COL5A3: variants seen among roughly 807,000 people sequenced by gnomAD.
The protein encoded by COL5A3 is collagen type V alpha 3 chain, also known as collagen alpha-3(V) chain.
Under a neutral mutation model 250.0 loss-of-function variants are expected in COL5A3, and 172 were observed. The ratio of observed to expected loss-of-function variants is 0.69; its 90% CI spans 0.61 to 0.78. The LOEUF (loss-of-function observed/expected upper bound fraction) is 0.78, where lower values mean the gene tolerates loss of function less well. Ranked by LOEUF, COL5A3 falls within the 30% of genes least tolerant of loss-of-function variation. COL5A3 has a pLI of 0.00. For synonymous variants in COL5A3, 937 were observed against 900.4 expected, an observed-to-expected ratio of 1.04 and a Z score of -0.73; for missense variants, 2,340 against 2,334.4, an observed-to-expected ratio of 1.00 and a Z score of -0.05.
intron 35 of COL5A3, among the ~76,000 whole-genome samples, 173 bp from the exon 36 acceptor site, chr19:9,980,220 T>C (rs1003241185): frequency 2.6e-5 from 4 of 152,206 alleles, no homozygotes; most frequent in Non-Finnish European, 4.4e-5. Context: ...GCCCTTTGGG[T>C]TGGAGACTGA....
In COL5A3 at chr19:9,996,628, A is replaced by C; in HGVS notation, c.1325T>G (p.Val442Gly). The change falls in exon 12 of 67, where the codon GTG (valine) becomes GGG (glycine). Residue 442 changes from valine to glycine, a missense_variant. Val to Gly is a moderately radical substitution (Grantham distance 109). Coordinates refer to ENST00000264828, the MANE Select transcript of COL5A3 (RefSeq NM_015719.4). ...IDGIRGPPGT[V>G]IMMPFQFAGG... Reference sequence around the variant, plus strand: ...TCTCCTTCTTACCGGCATCATGATCACAGTGCCCGGTGGGCCTCGGATCCC... The same window carrying C: ...TCTCCTTCTTACCGGCATCATGATCCCAGTGCCCGGTGGGCCTCGGATCCC... 1.2e-6 allele frequency: 2 copies of C among 1,613,724 alleles called. No individual in the cohort carries two copies. The highest frequency in any genetic ancestry group is 1.7e-6 in the Non-Finnish European group (2 of 1,179,882).
chr19:9,965,678 C>G (rs1363196530), intron 64 of COL5A3, among the ~76,000 whole-genome samples: 2 of 145,238 alleles, frequency 1.4e-5, no homozygotes, highest in East Asian at 2.1e-4. Flanking sequence ...GTCTCGAACT[C>G]CTGACCTCAG....
chr19:9,986,394 C>T lies in COL5A3; in HGVS notation c.2273G>A (p.Gly758Glu). 6.2e-7 allele frequency: 1 copy of T among 1,611,856 alleles called. No individual in the cohort carries two copies. Among genetic ancestry groups the T allele is most frequent in the African/African-American group, 1.3e-5 (1 of 75,008 alleles). ...QGKPGAPGPR[G>E]EDGPEGPKGQ... is the part of the protein sequence containing the mutation. ...CTTCGGCCCCTCAGGACCATCCTCT[C>T]CCCGGGGACCTGGAGCTCCGGGTTT... The change falls in exon 30 of 67, where the codon GGA becomes GAA. Residue 758 changes from glycine to glutamate, a missense_variant. By Grantham distance (98) the Gly-to-Glu change is moderately conservative. Coordinates refer to ENST00000264828, the MANE Select transcript of COL5A3 (RefSeq NM_015719.4).
intron 65 of COL5A3, among the ~76,000 whole-genome samples, chr19:9,962,532 A>G (rs1170495350): frequency 6.6e-6 from 1 of 152,194 alleles, no homozygotes; most frequent in Non-Finnish European, 1.5e-5. Context: ...TTTAGGCTTC[A>G]GATGAGCTGT....
chr19:10,000,018 A>T (rs1025772833), intron 8 of COL5A3, among the ~76,000 whole-genome samples: 4 of 151,946 alleles, frequency 2.6e-5, no homozygotes, highest in Non-Finnish European at 5.9e-5. Flanking sequence ...TCAACCTACC[A>T]AATTGCTGAG....
rs760476540 is a variant in COL5A3, at chr19:9,989,484, T to C, written c.2031A>G (p.Gly677=). The part of the protein sequence containing the change: ...PGNPGIPGLP[G]SDGPLGHPGH... ...TGGTTCTCACCAGAGGGCCATCGGA[T>C]CCTGGGAGGCCTGGAATTCCTGGGT... Residue 677 remains glycine, a synonymous_variant, in exon 25 of 67, where the codon GGA becomes GGG. Transcript: ENST00000264828. The C allele has an allele frequency of 6.2e-7, 1 of 1,613,356 alleles. No homozygotes were observed. Among genetic ancestry groups the C allele is most frequent in the South Asian group, 1.1e-5 (1 of 90,944 alleles).
chr19:9,974,784 G>T (rs187121572), intron 45 of COL5A3, among the ~76,000 whole-genome samples: 2 of 152,072 alleles, frequency 1.3e-5, no homozygotes, highest in Admixed American at 1.3e-4. Flanking sequence ...GGATAGGGCC[G>T]TATGTTCCTA....
At chr19:9,982,927 C>G (rs777167303) in intron 31 of COL5A3, among the ~76,000 whole-genome samples, 78 of 152,146 alleles carry the variant, frequency 5.1e-4, no homozygotes, top group Non-Finnish European at 7.8e-4. Context: ...GCAATCATAG[C>G]TCACTGCAGC....
Position 10,005,944 on chromosome 19 carries a change from G to A in COL5A3, c.289C>T (p.Arg97Trp), listed in dbSNP as rs370928028. 79 of 1,613,940 alleles carry A rather than the reference G, an allele frequency of 4.9e-5. No individual in the cohort carries two copies. The East Asian group carries it at 5.3e-4, about 11-fold the overall frequency. Residue 97 changes from arginine to tryptophan, a missense_variant, in exon 3 of 67, where the codon CGG (arginine) becomes TGG (tryptophan). Physicochemically the swap from Arg to Trp is moderately radical, Grantham distance 101 (BLOSUM62 -3). This residue lies in a region of COL5A3 where 1,152 missense variants were observed against 1,146.3 expected (regional missense o/e 1.00). Transcript: ENST00000264828. ...PENFSLLITL[R>W]GQPANQSVLL... The stretch of plus-strand genomic sequence containing the variant: ...ACAGACTGATTGGCTGGCTGTCCCC[G>A]CAAGGTGATCAGCAAGGAGAAGTTC...
In COL5A3 at chr19:9,962,808, C is replaced by T. The variant is rs111952540; in HGVS notation, c.4851+11G>A. ...TTCATGTCACTCCCCATCTCGGCCT[C>T]GGTGACTCACCTTCTTCCCTCGACG... On this transcript the variant is annotated intron_variant, in intron 65 of 66. Coordinates refer to ENST00000264828, the MANE Select transcript of COL5A3 (RefSeq NM_015719.4). 48 of 1,605,950 alleles carry T rather than the reference C, an allele frequency of 3.0e-5. 1 individual carries two copies. The highest frequency in any genetic ancestry group is 1.6e-4 in the African/African-American group (12 of 74,908).
Position 9,978,903 on chromosome 19 carries a change from G to A in COL5A3, c.2952C>T (p.Gly984=). The change falls in exon 40 of 67, where the codon GGC becomes GGT. Residue 984 remains glycine, a synonymous_variant. Coordinates refer to ENST00000264828, the MANE Select transcript of COL5A3 (RefSeq NM_015719.4). ...GLRGFPGPKG[G]PGDPGPTGLK... ...CAAAGATACTCACCGGGTCCCCAGG[G>A]CCCCCTTTGGGGCCGGGAAAGCCCC... The A allele has an allele frequency of 1.4e-6, 2 of 1,479,468 alleles. No homozygotes were observed. The highest frequency in any genetic ancestry group is 1.8e-6 in the Non-Finnish European group (2 of 1,116,194). 91.6% of individuals were successfully genotyped at this position (1,479,468 alleles called of 1,614,324 possible).
intron 56 of COL5A3, 65 bp downstream of exon 56, chr19:9,969,510 C>G (rs2086798626): frequency 6.3e-7 from 1 of 1,596,172 alleles, no homozygotes; most frequent in South Asian, 1.1e-5. Context: ...GATGGGATCA[C>G]AAGCTGGGAG....
chr19:10,001,842 T>C lies in COL5A3; in HGVS notation c.889A>G (p.Asn297Asp), dbSNP rs770603296. ...DIPKTETPAPNLPPTPTPLVV... is the reference protein window; with the variant it reads ...DIPKTETPAPDLPPTPTPLVV... ...AAAGGCGTGGGGGTCGGAGGCAGATTTGGAGCTGGAGTCTCTGTCTTGGGG... is the reference window on the plus strand; with the variant it reads ...AAAGGCGTGGGGGTCGGAGGCAGATCTGGAGCTGGAGTCTCTGTCTTGGGG... The change falls in exon 7 of 67, where the codon AAT becomes GAT. Residue 297 changes from asparagine to aspartate, a missense_variant. Around this residue, in one of 3 missense-constraint regions of COL5A3, gnomAD observed 1,152 missense variants for 1,146.3 expected, o/e 1.00. Coordinates refer to ENST00000264828, the MANE Select transcript of COL5A3 (RefSeq NM_015719.4). 4.3e-6 allele frequency: 7 copies of C among 1,613,882 alleles called. No homozygotes were observed. Among genetic ancestry groups the C allele is most frequent in the Non-Finnish European group, 5.9e-6 (7 of 1,179,966 alleles).
rs370271810 is a variant in COL5A3 at position 9,960,553 on chromosome 19, C to T, written c.5096G>A (p.Arg1699Gln). The change falls in exon 67 of 67, where the codon CGG becomes CAG. Residue 1699 changes from arginine to glutamine, a missense_variant. Physicochemically the swap from Arg to Gln is conservative, Grantham distance 43. Transcript: ENST00000264828. Reference sequence around the variant, plus strand: ...GAAAAGGGTCTTCGTCTGTCCTTTCCGGAGCTGTCCCCAGAGAAGACAGAG... The same window carrying T: ...GAAAAGGGTCTTCGTCTGTCCTTTCTGGAGCTGTCCCCAGAGAAGACAGAG... ...VSVPQDGCRL[R>Q]KGQTKTLFEF... The T allele has an allele frequency of 8.1e-6, 13 of 1,614,144 alleles. No homozygotes were observed. Among genetic ancestry groups the T allele is most frequent in the East Asian group, 2.2e-5 (1 of 44,882 alleles).
intron 19 of COL5A3, 38 bp from the exon 20 acceptor site, chr19:9,993,105 C>A: frequency 6.2e-7 from 1 of 1,609,050 alleles, no homozygotes; most frequent in Non-Finnish European, 8.5e-7. Context: ...CAGGAAGGTA[C>A]AACCCTCGGA....
At position 9,966,763 on chromosome 19, in the gene COL5A3, G is replaced by T; in HGVS notation, c.4459-17C>A. 1 of 1,525,720 alleles carries T rather than the reference G, an allele frequency of 6.6e-7. No homozygotes were observed. Among genetic ancestry groups the T allele is most frequent in the South Asian group, 1.2e-5 (1 of 83,586 alleles). The allele number at this position is 1,525,720 out of a possible 1,614,324, so 94.5% of individuals were successfully genotyped here. On this transcript the variant is annotated splice_polypyrimidine_tract_variant and intron_variant, in intron 62 of 66. Transcript: ENST00000264828. ...AGGGGCACCCTGGGCGTAGGGGATG[G>T]GGACGGAGAAGAGAGGGGAGATGGG... is the stretch of plus-strand genomic sequence containing the variant.
chr19:9,986,486 C>T, intron 29 of COL5A3, 64 bp from the exon 30 acceptor site: 1 of 1,598,326 alleles, frequency 6.3e-7, no homozygotes, highest in East Asian at 2.2e-5. Context: ...CTAGCCCCAG[C>T]TCATCCCCTC....
In COL5A3 at chr19:10,003,567, G is replaced by C. The variant is rs763535860; in HGVS notation, c.847C>G (p.Gln283Glu). The C allele has an allele frequency of 2.0e-5, 32 of 1,613,990 alleles. 1 individual carries two copies. In the South Asian group the frequency reaches 2.7e-4, roughly 14 times the overall value. ...GTGAGAGGTCTCAGGGCCCTTACCTGGTTCTCTGCGGAGTCAGGAGGTGGA... is the reference window on the plus strand; with the variant it reads ...GTGAGAGGTCTCAGGGCCCTTACCTCGTTCTCTGCGGAGTCAGGAGGTGGA... ...SSPPPDSAEN[Q>E]TSTDIPKTET... The change falls in exon 6 of 67, where the codon CAG becomes GAG. Residue 283 changes from glutamine (Q) to glutamate (E), a missense_variant and splice_region_variant. Around this residue, in one of 3 missense-constraint regions of COL5A3, gnomAD observed 1,152 missense variants for 1,146.3 expected, o/e 1.00. Coordinates refer to ENST00000264828, the MANE Select transcript of COL5A3 (RefSeq NM_015719.4).
In COL5A3 at chr19:10,003,711, G is replaced by A. The variant is rs1168508891; in HGVS notation, c.703C>T (p.Pro235Ser). The change falls in exon 6 of 67, where the codon CCC becomes TCC. Residue 235 changes from proline to serine, a missense_variant. Pro to Ser is a moderately conservative substitution (Grantham distance 74). Transcript: ENST00000264828. ...CGAGGGGTTTCTGGTTCACCCTGGG[G>A]AGCCTGGGAGAAGGGTTCCAGTCAG... ...DNLAPAATVA[P>S]QGEPETPRPR... 4 of 1,614,008 alleles carry A rather than the reference G, an allele frequency of 2.5e-6. No homozygotes were observed. The highest frequency in any genetic ancestry group is 3.4e-6 in the Non-Finnish European group (4 of 1,180,020).
Sources: allele counts gnomAD v4.1 joint callset (sites outside exome capture counted in the v4.1 genomes callset), GRCh38; gene constraint gnomAD v4.1.1; regional missense constraint gnomAD v4.1.1; transcripts MANE v1.5; gene names NCBI Gene and HGNC (gene_info 2026-07-23, HGNC 2026-07-21).